Variants in ANKRD36 observed in about 807,000 individuals in gnomAD.
ANKRD36 encodes ankyrin repeat domain-containing protein 36A.
In ANKRD36, 179 loss-of-function variants were observed where a neutral mutation model predicts 278.1. The ratio of observed to expected loss-of-function variants is 0.64; its 90% CI spans 0.57 to 0.73. The LOEUF is 0.73. Ranked by LOEUF, ANKRD36 falls within the 30% of genes least tolerant of loss-of-function variation. The probability of loss-of-function intolerance (pLI) is 0.00; values close to 1 mark genes in which losing one functional copy is unlikely to be tolerated. For synonymous variants in ANKRD36, 320 were observed against 641.1 expected, an observed-to-expected ratio of 0.50 and a Z score of 7.57; for missense variants, 1,159 against 1,956.7, an observed-to-expected ratio of 0.59 and a Z score of 7.69.
intron 75 of ANKRD36, among the ~76,000 whole-genome samples, chr2:97,261,007 T>G (rs1271979701): frequency 7.8e-5 from 10 of 128,896 alleles, no homozygotes; most frequent in Non-Finnish European, 1.2e-4. Context: ...CAGCTTTGGC[T>G]TAGCGAAATG....
Position 97,200,045 on chromosome 2 carries a change from T to C in ANKRD36, c.2756-289T>C, listed in dbSNP as rs367987138. Reference sequence around the variant, plus strand: ...TCCTCTGATTTTAGATCACATTTGTTCTCATCACTCGGCATATCCACATTG... The same window carrying C: ...TCCTCTGATTTTAGATCACATTTGTCCTCATCACTCGGCATATCCACATTG... On this transcript the variant is annotated intron_variant, in intron 44 of 75. Coordinates refer to ENST00000420699, the MANE Select transcript of ANKRD36 (RefSeq NM_001354587.1). Among the ~76,000 whole-genome samples the C allele has an allele frequency of 1.4e-4, 21 of 151,996 alleles. 1 individual carries two copies. Among genetic ancestry groups the C allele is most frequent in the East Asian group, 9.8e-4 (5 of 5,128 alleles).
chr2:97,203,838 TATGACAA>T (rs1364060160), intron 48 of ANKRD36, among the ~76,000 whole-genome samples: 1 of 151,822 alleles, frequency 6.6e-6, no homozygotes, highest in East Asian at 1.9e-4. Flanking sequence ...GTTTTTCACA[TATGACAA>T]ATCATACCAT....
intron 67 of ANKRD36, among the ~76,000 whole-genome samples, chr2:97,228,610 G>C (rs536408331): frequency 1.2e-4 from 18 of 151,768 alleles, no homozygotes; most frequent in African/African-American, 4.4e-4. Flanking sequence ...TTAATTTTTT[G>C]AAGGGTTTTT....
At chr2:97,196,442 C>T (rs1243249962) in intron 40 of ANKRD36, 151 bp from the exon 41 acceptor site, 6 of 1,440,342 alleles carry the variant, frequency 4.2e-6, no homozygotes, top group South Asian at 1.3e-5. Context: ...GTATTTCTGT[C>T]ATGTTCTAGT....
intron 6 of ANKRD36, among the ~76,000 whole-genome samples, chr2:97,128,862 C>T (rs2443912): frequency 2.0e-5 from 3 of 152,108 alleles, no homozygotes; most frequent in Non-Finnish European, 4.4e-5. Flanking sequence ...ATCCCAACTC[C>T]CTCCAACATG....
At chr2:97,260,351 T>G (rs1415235410) in intron 75 of ANKRD36, among the ~76,000 whole-genome samples, 6 of 88,896 alleles carry the variant, frequency 6.7e-5, no homozygotes, top group East Asian at 9.4e-4. Flanking sequence ...TTAAAAGATA[T>G]ATATATATAT....
At chr2:97,198,402 A>C (rs2060398306) in intron 42 of ANKRD36, 61 bp from the exon 43 acceptor site, 4 of 1,553,486 alleles carry the variant, frequency 2.6e-6, no homozygotes, top group Middle Eastern at 2.3e-4. Flanking sequence ...CACTGTATGA[A>C]TGTATGGATA....
chr2:97,174,649 C>A (rs1396274141), intron 22 of ANKRD36, among the ~76,000 whole-genome samples: 1 of 151,712 alleles, frequency 6.6e-6, no homozygotes, highest in Non-Finnish European at 1.5e-5. Flanking sequence ...CTGGCCAGAA[C>A]TTCCAACACT....
intron 22 of ANKRD36, among the ~76,000 whole-genome samples, chr2:97,173,669 T>C (rs1486270217): frequency 6.6e-6 from 1 of 151,750 alleles, no homozygotes; most frequent in African/African-American, 2.4e-5. Context: ...AAAGAGTGTA[T>C]GTCAAATTGG....
chr2:97,159,787 TA>T (rs1265448506), intron 17 of ANKRD36, among the ~76,000 whole-genome samples: 1 of 150,350 alleles, frequency 6.7e-6, no homozygotes, highest in Non-Finnish European at 1.5e-5. Context: ...AATTTCTGGT[TA>T]ATTTTTTTTT....
At chr2:97,178,355 G>A (rs755595006) in intron 22 of ANKRD36, among the ~76,000 whole-genome samples, 3 of 151,830 alleles carry the variant, frequency 2.0e-5, no homozygotes, top group African/African-American at 4.8e-5. Flanking sequence ...TATAAATCAC[G>A]CTGCTATAAA....
chr2:97,144,882 C>T (rs558072231), intron 10 of ANKRD36, among the ~76,000 whole-genome samples, 170 bp downstream of exon 10: 25 of 152,068 alleles, frequency 1.6e-4, no homozygotes, highest in Admixed American at 7.2e-4. Context: ...GATTTTTGGC[C>T]ATGATCTGAG....
chr2:97,196,645 G>C (rs746438911), intron 41 of ANKRD36, 24 bp downstream of exon 41: 1 of 1,603,228 alleles, frequency 6.2e-7, no homozygotes, highest in Admixed American at 1.7e-5. Context: ...CATTTATCAT[G>C]TGAACGAGTT....
chr2:97,127,734 A>G (rs970010419), intron 6 of ANKRD36, among the ~76,000 whole-genome samples: 1 of 151,984 alleles, frequency 6.6e-6, no homozygotes, highest in Non-Finnish European at 1.5e-5. Context: ...GTGTTCACCC[A>G]CCCATGGTAA....
chr2:97,132,925 G>A (rs973508663), intron 6 of ANKRD36, among the ~76,000 whole-genome samples: 2 of 151,978 alleles, frequency 1.3e-5, no homozygotes, highest in African/African-American at 4.8e-5. Context: ...CAGTATCCAA[G>A]GTTCTTATGG....
At chr2:97,240,999 T>TG (rs2074272042) in intron 68 of ANKRD36, among the ~76,000 whole-genome samples, 1 of 142,646 alleles carries the variant, frequency 7.0e-6, no homozygotes, top group Non-Finnish European at 1.5e-5. Flanking sequence ...TTTTTTTTTT[T>TG]TTTTTTTTTT....
intron 69 of ANKRD36, among the ~76,000 whole-genome samples, chr2:97,243,139 C>A (rs1409284367): frequency 7.1e-6 from 1 of 141,204 alleles, no homozygotes; most frequent in East Asian, 2.1e-4. Flanking sequence ...GCCCCCGACA[C>A]AGCCCTCAGG....
chr2:97,192,571 G>A (rs1423643038), intron 36 of ANKRD36, among the ~76,000 whole-genome samples: 2 of 151,426 alleles, frequency 1.3e-5, no homozygotes, highest in African/African-American at 4.8e-5. Flanking sequence ...ACATTTGTCC[G>A]CATCACTTGG....
intron 52 of ANKRD36, 100 bp downstream of exon 52, chr2:97,206,235 C>A (rs886199054): frequency 5.6e-5 from 71 of 1,274,536 alleles, no homozygotes; most frequent in Non-Finnish European, 6.9e-5. Context: ...GCTGCACTTT[C>A]TGATTCAGCA....
Sources: gnomAD v4.1 joint callset for allele counts (sites outside exome capture counted in the v4.1 genomes callset) on GRCh38, gnomAD v4.1.1 for gene constraint, MANE v1.5 for transcripts, NCBI Gene and HGNC (gene_info 2026-07-23, HGNC 2026-07-21) for gene names.